The following ARHGAP31 variants were observed in gnomAD, a reference collection of about 807,000 sequenced individuals.
ARHGAP31 encodes rho GTPase-activating protein 31.
In ARHGAP31, 34 loss-of-function variants were observed where a neutral mutation model predicts 113.9. That is an observed-to-expected ratio of 0.30 (90% CI 0.23 to 0.40). The LOEUF is 0.40. Among genes scored for constraint, ARHGAP31 ranks in the 10% least tolerant of loss-of-function variants. The pLI, the probability that ARHGAP31 is intolerant of heterozygous loss-of-function variation, is 1.00. For synonymous variants in ARHGAP31, 650 were observed against 684.8 expected, an observed-to-expected ratio of 0.95 and a Z score of 0.79; for missense variants, 1,548 against 1,767.1, an observed-to-expected ratio of 0.88 and a Z score of 2.22.
intron 1 of ARHGAP31, among the ~76,000 whole-genome samples, chr3:119,347,035 G>A (rs961898142): frequency 6.6e-6 from 1 of 152,164 alleles, no homozygotes; most frequent in Admixed American, 6.5e-5. Flanking sequence ...TTGCTGGGAA[G>A]GAGAAAATAA....
intron 1 of ARHGAP31, among the ~76,000 whole-genome samples, chr3:119,335,784 A>AG (rs1369152499): frequency 6.6e-6 from 1 of 152,178 alleles, no homozygotes; most frequent in Admixed American, 6.5e-5. Flanking sequence ...ATTTGTACCT[A>AG]GGGATTGTTC....
intron 1 of ARHGAP31, among the ~76,000 whole-genome samples, chr3:119,360,018 G>A (rs943498235): frequency 3.3e-5 from 5 of 152,068 alleles, no homozygotes; most frequent in Non-Finnish European, 7.4e-5. Context: ...CCTCAAACAA[G>A]ATGATGAACA....
chr3:119,309,273 TCTA>T (rs1358853745), intron 1 of ARHGAP31, among the ~76,000 whole-genome samples: 2 of 152,226 alleles, frequency 1.3e-5, no homozygotes, highest in Admixed American at 1.3e-4. Context: ...CTAATGAGTC[TCTA>T]CTTTGTAGAC....
Position 119,415,795 on chromosome 3 carries a change from CT to C in ARHGAP31, c.3867del (p.Pro1290GlnfsTer15). The C allele has an allele frequency of 6.2e-7, 1 of 1,614,252 alleles. No homozygotes were observed. Among genetic ancestry groups the C allele is most frequent in the South Asian group, 1.1e-5 (1 of 91,086 alleles). On this transcript the variant is annotated frameshift_variant, in exon 12 of 12. Transcript: ENST00000264245. LOFTEE classifies it high-confidence loss of function. ...APCMCEGPTL[S>X]PEPGSSNLLS... Reference sequence around the variant, plus strand: ...TGCATGTGCGAGGGACCTACCCTTTCTCCAGAACCAGGCTCGTCTAACCTGC... The same window carrying C: ...TGCATGTGCGAGGGACCTACCCTTTCCCAGAACCAGGCTCGTCTAACCTGC...
At chr3:119,400,982 C>T (rs2080599549) in intron 9 of ARHGAP31, among the ~76,000 whole-genome samples, 1 of 152,070 alleles carries the variant, frequency 6.6e-6, no homozygotes. Context: ...ACCAGCCTGG[C>T]CAACATGGTG....
At chr3:119,349,456 G>A (rs1209601411) in intron 1 of ARHGAP31, among the ~76,000 whole-genome samples, 2 of 152,152 alleles carry the variant, frequency 1.3e-5, no homozygotes, top group African/African-American at 4.8e-5. Context: ...CATCTCCTGG[G>A]GACAATTTAC....
At chr3:119,303,676 A>G (rs1354157019) in intron 1 of ARHGAP31, among the ~76,000 whole-genome samples, 1 of 152,252 alleles carries the variant, frequency 6.6e-6, no homozygotes, top group Non-Finnish European at 1.5e-5. Flanking sequence ...ACAGCTTGAC[A>G]TATAAGCTAG....
At chr3:119,361,830 A>T (rs996338655) in intron 1 of ARHGAP31, among the ~76,000 whole-genome samples, 2 of 152,202 alleles carry the variant, frequency 1.3e-5, no homozygotes, top group Non-Finnish European at 1.5e-5. Flanking sequence ...ACTGAGTAAC[A>T]ACGATGGAGA....
intron 1 of ARHGAP31, among the ~76,000 whole-genome samples, chr3:119,309,591 C>CA (rs67779366): frequency 0.021 from 3,079 of 147,580 alleles, 49 homozygotes; most frequent in Non-Finnish European, 0.021. Context: ...TCTGTCTCTA[C>CA]AAAAAAAAAA....
chr3:119,327,126 C>A (rs963564659), intron 1 of ARHGAP31, among the ~76,000 whole-genome samples: 1 of 151,948 alleles, frequency 6.6e-6, no homozygotes, highest in African/African-American at 2.4e-5. Flanking sequence ...GGCGATAGAG[C>A]CAGACCTTGT....
chr3:119,315,929 C>T (rs548754088), intron 1 of ARHGAP31, among the ~76,000 whole-genome samples: 3 of 152,248 alleles, frequency 2.0e-5, no homozygotes, highest in South Asian at 4.1e-4. Context: ...TCTTACAAAT[C>T]GTCTCATTGT....
At position 119,416,251 on chromosome 3, in the gene ARHGAP31, G is replaced by C; in HGVS notation, c.4322G>C (p.Arg1441Thr). 1 of 1,613,946 alleles carries C rather than the reference G, an allele frequency of 6.2e-7. No homozygotes were observed. Among genetic ancestry groups the C allele is most frequent in the South Asian group, 1.1e-5 (1 of 91,080 alleles). ...RSVILDGRSG[R>T]QIE is the part of the protein sequence containing the mutation. ...GTAATTCTGGATGGAAGAAGTGGGA[G>C]GCAAATAGAATGATTTCGGTTCACC... The change falls in exon 12 of 12, where the codon AGG becomes ACG. Residue 1441 changes from arginine to threonine, a missense_variant. By Grantham distance (71) the Arg-to-Thr change is moderately conservative (BLOSUM62 -1). Coordinates refer to ENST00000264245, the MANE Select transcript of ARHGAP31 (RefSeq NM_020754.4).
At chr3:119,354,748 G>C (rs1011428130) in intron 1 of ARHGAP31, among the ~76,000 whole-genome samples, 1 of 137,336 alleles carries the variant, frequency 7.3e-6, no homozygotes, top group Non-Finnish European at 1.5e-5. Context: ...GGCTGGTCTT[G>C]AACTCCTGAC....
In ARHGAP31 at chr3:119,294,851, G is replaced by A; in HGVS notation, c.-54G>A. ...TAGCCCGGGAGCCCATCTTACAGCG[G>A]TGCCAAGCAGAGGGGCGGCAGAGAC... On this transcript the variant is annotated 5_prime_UTR_variant, in exon 1 of 12. It adds an upstream start codon to the 5' untranslated region. Coordinates refer to ENST00000264245, the MANE Select transcript of ARHGAP31 (RefSeq NM_020754.4). 1 of 1,530,594 alleles carries A rather than the reference G, an allele frequency of 6.5e-7. No individual in the cohort carries two copies. Among genetic ancestry groups the A allele is most frequent in the Non-Finnish European group, 9.1e-7 (1 of 1,104,868 alleles). The allele number at this position is 1,530,594 out of a possible 1,614,324, so 94.8% of individuals were successfully genotyped here.
chr3:119,300,326 G>A (rs1476945045), intron 1 of ARHGAP31, among the ~76,000 whole-genome samples: 5 of 152,222 alleles, frequency 3.3e-5, no homozygotes, highest in Non-Finnish European at 5.9e-5. Flanking sequence ...ATCCAGGACT[G>A]AGTGGATGAG....
intron 3 of ARHGAP31, among the ~76,000 whole-genome samples, chr3:119,374,921 A>G (rs1488890101): frequency 2.6e-5 from 4 of 152,202 alleles, no homozygotes; most frequent in Non-Finnish European, 5.9e-5. Context: ...ATAAAGTTAA[A>G]TGGGGAAAAA....
intron 1 of ARHGAP31, among the ~76,000 whole-genome samples, chr3:119,302,411 G>C (rs1450764220): frequency 1.3e-5 from 2 of 152,222 alleles, no homozygotes; most frequent in Non-Finnish European, 2.9e-5. Flanking sequence ...GATAGAGAAA[G>C]ATGAAAACAT....
At chr3:119,329,964 G>A in intron 1 of ARHGAP31, 10 of 985,460 alleles carry the variant, frequency 1.0e-5, no homozygotes, top group Non-Finnish European at 1.2e-5. Flanking sequence ...GTGGAGAAGA[G>A]AATGAGTCTG....
At chr3:119,324,350 G>C (rs535791570) in intron 1 of ARHGAP31, among the ~76,000 whole-genome samples, 40 of 152,268 alleles carry the variant, frequency 2.6e-4, no homozygotes, top group African/African-American at 8.9e-4. Context: ...GGTTACACTT[G>C]TCCTTTCTTG....
Sources: gnomAD v4.1 joint callset for allele counts (sites outside exome capture counted in the v4.1 genomes callset) on GRCh38, gnomAD v4.1.1 for gene constraint, MANE v1.5 for transcripts, NCBI Gene and HGNC (gene_info 2026-07-23, HGNC 2026-07-21) for gene names.